Variants in MEIS1 observed in about 807,000 individuals in gnomAD.
MEIS1 encodes homeobox protein Meis1.
Under a neutral mutation model 50.8 loss-of-function variants are expected in MEIS1, and 5 were observed. That is an observed-to-expected ratio of 0.10 (90% CI 0.05 to 0.21). The LOEUF is 0.21. Ranked by LOEUF, MEIS1 falls within the 10% of genes least tolerant of loss-of-function variation. The pLI, the probability that MEIS1 is intolerant of heterozygous loss-of-function variation, is 1.00. For missense variants in MEIS1, 318 were observed against 517.3 expected (o/e 0.61, Z 3.74); for synonymous variants, 176 against 179.3 (o/e 0.98, Z 0.15).
At chr2:66,521,823 G>C (rs183677163) in intron 8 of MEIS1, among the ~76,000 whole-genome samples, 1 of 152,268 alleles carries the variant, frequency 6.6e-6, no homozygotes, top group East Asian at 1.9e-4. Context: ...GAAAGGACTG[G>C]CTTGTGATGT....
intron 8 of MEIS1, among the ~76,000 whole-genome samples, chr2:66,535,124 G>C (rs1674486808): frequency 6.6e-6 from 1 of 152,038 alleles, no homozygotes; most frequent in Admixed American, 6.5e-5. Flanking sequence ...TAAACTTTGA[G>C]CTTCAGTAGA....
chr2:66,473,870 C>T (rs1399648738), intron 7 of MEIS1, among the ~76,000 whole-genome samples: 4 of 152,080 alleles, frequency 2.6e-5, no homozygotes, highest in Non-Finnish European at 4.4e-5. Context: ...CCCTCAACCC[C>T]GCAGACAACA....
At chr2:66,473,397 A>AAAAAAAAAAAAAAAAAAATATATATATAT in intron 7 of MEIS1, among the ~76,000 whole-genome samples, 4 of 107,592 alleles carry the variant, frequency 3.7e-5, no homozygotes, top group African/African-American at 1.2e-4. Flanking sequence ...AAAAAAAAAA[A>AAAAAAAAAAAAAAAAAAATATATATATAT]ATATATATAT....
intron 8 of MEIS1, among the ~76,000 whole-genome samples, chr2:66,533,633 A>G (rs1281810889): frequency 2.0e-4 from 31 of 152,234 alleles, no homozygotes; most frequent in Admixed American, 2.0e-3. Flanking sequence ...TAATAGGGAA[A>G]ACATAGCCTC....
At chr2:66,540,155 G>T (rs976497827) in intron 8 of MEIS1, among the ~76,000 whole-genome samples, 1 of 152,098 alleles carries the variant, frequency 6.6e-6, no homozygotes, top group African/African-American at 2.4e-5. Context: ...TACTCAGGGG[G>T]TTCACCAAGA....
chr2:66,439,464 C>A (rs987282903), intron 2 of MEIS1: 11 of 1,370,864 alleles, frequency 8.0e-6, no homozygotes, highest in Non-Finnish European at 9.4e-6. Context: ...CCGCCCGGCG[C>A]CTTTCTCCTC....
At chr2:66,453,323 C>T (rs1573134852) in intron 6 of MEIS1, among the ~76,000 whole-genome samples, 1 of 151,986 alleles carries the variant, frequency 6.6e-6, no homozygotes, top group East Asian at 1.9e-4. Context: ...GAATAATAGC[C>T]TTGGGTATGG....
Position 66,452,488 on chromosome 2 carries a change from T to C in MEIS1, c.630+9440T>C, listed in dbSNP as rs543829163. 8.1e-4 allele frequency among the ~76,000 whole-genome samples: 123 copies of C among 152,048 alleles called. 2 individuals are homozygous for C. Among genetic ancestry groups the C allele is most frequent in the African/African-American group, 2.5e-3 (102 of 41,564 alleles). Reference sequence around the variant, plus strand: ...GACTACAGATAAATATTATCTCTTATAGAGTCATTACATGTTTATATTTCA... The same window carrying C: ...GACTACAGATAAATATTATCTCTTACAGAGTCATTACATGTTTATATTTCA... On this transcript the variant is annotated intron_variant, in intron 6 of 12. Coordinates refer to ENST00000272369, the MANE Select transcript of MEIS1 (RefSeq NM_002398.3).
In MEIS1 at chr2:66,568,734, A is replaced by G; in HGVS notation, c.1092A>G (p.Gln364=). The change falls in exon 11 of 13, where the codon CAA becomes CAG. Residue 364 remains glutamine (Q), a synonymous_variant. Transcript: ENST00000272369. ...GAGGTTTCGTAATGGACGGTCAGCA[A>G]CATATGGGAATTAGAGCACCAGGTA... ...PMGGFVMDGQ[Q]HMGIRAPGPM... is the part of the protein sequence containing the mutation. 6.2e-7 allele frequency: 1 copy of G among 1,613,822 alleles called. No individual in the cohort carries two copies. Among genetic ancestry groups the G allele is most frequent in the Admixed American group, 1.7e-5 (1 of 60,024 alleles).
intron 8 of MEIS1, among the ~76,000 whole-genome samples, chr2:66,516,375 A>T (rs1022102349): frequency 9.2e-5 from 14 of 152,110 alleles, no homozygotes; most frequent in Non-Finnish European, 1.3e-4. Context: ...GGTGATTCTG[A>T]TGGTGAACTG....
rs80125260 is a variant in MEIS1, at chr2:66,435,877, TA to T, written c.12+15del. On this transcript the variant is annotated intron_variant, in intron 1 of 12. Transcript: ENST00000272369. Reference sequence around the variant, plus strand: ...GGCCGATGGCGCAAAGGGTACGTATTAAAAAACAATTGTGGAACTCAAATGT... The same window carrying T: ...GGCCGATGGCGCAAAGGGTACGTATTAAAAACAATTGTGGAACTCAAATGT... 2 of 1,560,484 alleles carry T rather than the reference TA, an allele frequency of 1.3e-6. No homozygotes were observed. The highest frequency in any genetic ancestry group is 1.7e-6 in the Non-Finnish European group (2 of 1,159,446).
At chr2:66,548,447 T>G (rs1321300738) in intron 9 of MEIS1, among the ~76,000 whole-genome samples, 4 of 152,244 alleles carry the variant, frequency 2.6e-5, no homozygotes, top group Admixed American at 1.3e-4. Flanking sequence ...GTTAGGGCTA[T>G]GCATTCAAGG....
chr2:66,498,519 G>C lies in MEIS1; in HGVS notation c.743-13630G>C, dbSNP rs76461516. Among the ~76,000 whole-genome samples, 1,344 of 152,254 alleles carry C rather than the reference G, an allele frequency of 8.8e-3. 17 individuals are homozygous for C. The highest frequency in any genetic ancestry group is 0.031 in the African/African-American group (1,280 of 41,544). The stretch of plus-strand genomic sequence containing the variant: ...AGGTTGAGGAGATAAAGGGGAGAGA[G>C]GCCTGCAGTGCTAACAGGAGGAGCT... On this transcript the variant is annotated intron_variant, in intron 7 of 12. Coordinates refer to ENST00000272369, the MANE Select transcript of MEIS1 (RefSeq NM_002398.3).
intron 7 of MEIS1, among the ~76,000 whole-genome samples, chr2:66,501,462 A>G (rs902928159): frequency 1.3e-5 from 2 of 151,956 alleles, no homozygotes; most frequent in South Asian, 4.1e-4. Flanking sequence ...TAAAAAAAAA[A>G]TGCTGAATAG....
chr2:66,560,939 A>C (rs1382924211), intron 9 of MEIS1, among the ~76,000 whole-genome samples: 1 of 152,212 alleles, frequency 6.6e-6, no homozygotes, highest in Non-Finnish European at 1.5e-5. Flanking sequence ...TGCCAAAAAC[A>C]TGATTTCATA....
rs552329583 is a variant in MEIS1 at position 66,443,028 on chromosome 2, T to A, written c.610T>A (p.Ser204Thr). The A allele has an allele frequency of 1.3e-6, 2 of 1,597,986 alleles. No individual in the cohort carries two copies. The highest frequency in any genetic ancestry group is 1.7e-6 in the Non-Finnish European group (2 of 1,174,768). The change falls in exon 6 of 13, where the codon TCA (serine) becomes ACA (threonine). Residue 204 changes from serine to threonine, a missense_variant. By Grantham distance (58) the Ser-to-Thr change is moderately conservative. Around this residue, in one of 6 missense-constraint regions of MEIS1, gnomAD observed 48 missense variants for 50.9 expected, o/e 0.94. Coordinates refer to ENST00000272369, the MANE Select transcript of MEIS1 (RefSeq NM_002398.3). ...ATCAGACAGTGAAGATATAACAAGA[T>A]CAGCAAATCTAACTGACCAGGTATG... Reference protein sequence around the residue: ...SKSDSEDITRSANLTDQPSWN... With the variant: ...SKSDSEDITRTANLTDQPSWN...
chr2:66,564,447 G>C (rs17032248), intron 9 of MEIS1, among the ~76,000 whole-genome samples: 3,101 of 152,264 alleles, frequency 0.02, 50 homozygotes, highest in South Asian at 0.059. Flanking sequence ...CCACTGCAAG[G>C]CTTCAGGAGG....
At chr2:66,527,041 A>T (rs2103884870) in intron 8 of MEIS1, among the ~76,000 whole-genome samples, 1 of 152,304 alleles carries the variant, frequency 6.6e-6, no homozygotes, top group East Asian at 1.9e-4. Flanking sequence ...GACCGAAAAA[A>T]CTGTGGGGTG....
chr2:66,530,936 A>G (rs1401025839), intron 8 of MEIS1, among the ~76,000 whole-genome samples: 12 of 152,246 alleles, frequency 7.9e-5, no homozygotes, highest in African/African-American at 2.9e-4. Context: ...TGTGAGTTCA[A>G]CAAAAACCAT....
Sources: allele counts gnomAD v4.1 joint callset (sites outside exome capture counted in the v4.1 genomes callset), GRCh38; gene constraint gnomAD v4.1.1; regional missense constraint gnomAD v4.1.1; transcripts MANE v1.5; gene names NCBI Gene and HGNC (gene_info 2026-07-23, HGNC 2026-07-21).